Variants in ELL observed in about 807,000 individuals in gnomAD.
ELL encodes elongation factor for RNA polymerase II, also known as RNA polymerase II elongation factor ELL.
Under a neutral mutation model 64.0 loss-of-function variants are expected in ELL, and 18 were observed. That is an observed-to-expected ratio of 0.28 (90% CI 0.19 to 0.42). The LOEUF is 0.42. ELL is among the 10% of genes least tolerant of loss of function. The pLI is 1.00. For synonymous variants in ELL, 399 were observed against 376.2 expected, an observed-to-expected ratio of 1.06 and a Z score of -0.70; for missense variants, 797 against 870.4, an observed-to-expected ratio of 0.92 and a Z score of 1.06.
intron 2 of ELL, among the ~76,000 whole-genome samples, chr19:18,468,374 G>T (rs1048999069): frequency 1.3e-5 from 2 of 152,184 alleles, no homozygotes; most frequent in African/African-American, 2.4e-5. Context: ...CCACTGAGGT[G>T]TTTTTTCACC....
intron 2 of ELL, among the ~76,000 whole-genome samples, chr19:18,469,698 T>C (rs1282478475): frequency 6.6e-6 from 1 of 152,218 alleles, no homozygotes; most frequent in Non-Finnish European, 1.5e-5. Flanking sequence ...CAGGGGCTCA[T>C]CCTAGGCGCT....
chr19:18,446,470 C>G lies in ELL; in HGVS notation c.1543G>C (p.Ala515Pro). The part of the protein sequence containing the change: ...ETPDYLLKYA[A>P]ISSSEQRQSY... ...TGGCGCTGCTCCGAAGAGGAGATGG[C>G]TGCGTACTTCCTGAAACAGGAGAGA... Residue 515 changes from alanine to proline, a missense_variant, in exon 10 of 12, where the codon GCC becomes CCC. Transcript: ENST00000262809. The G allele has an allele frequency of 6.2e-7, 1 of 1,611,964 alleles. No individual in the cohort carries two copies. Among genetic ancestry groups the G allele is most frequent in the Non-Finnish European group, 8.5e-7 (1 of 1,179,762 alleles).
At chr19:18,515,830 T>A (rs1036660527) in intron 1 of ELL, among the ~76,000 whole-genome samples, 1 of 152,184 alleles carries the variant, frequency 6.6e-6, no homozygotes, top group Non-Finnish European at 1.5e-5. Flanking sequence ...AGAGGCAGTA[T>A]GGGCCAGTGA....
Position 18,446,379 on chromosome 19 carries a change from C to A in ELL, c.1634G>T (p.Arg545Leu). The A allele has an allele frequency of 6.2e-7, 1 of 1,610,250 alleles. No homozygotes were observed. ...GAGCTGGGTGAACCGCCGCGTGATG[C>A]GCTCAATGCGGGCGTGCAGGTCGCG... ...EYRDLHARIE[R>L]ITRRFTQLDA... Residue 545 changes from arginine (R) to leucine (L), a missense_variant, in exon 10 of 12, where the codon CGC becomes CTC. Physicochemically the swap from Arg to Leu is moderately radical, Grantham distance 102 (BLOSUM62 -2). Coordinates refer to ENST00000262809, the MANE Select transcript of ELL (RefSeq NM_006532.4).
chr19:18,483,360 G>A (rs1462252599), intron 1 of ELL, among the ~76,000 whole-genome samples: 1 of 152,212 alleles, frequency 6.6e-6, no homozygotes, highest in Non-Finnish European at 1.5e-5. Context: ...AAGGCGCTCA[G>A]CAGGTGAGCA....
Position 18,522,046 on chromosome 19 carries a change from G to C in ELL, c.10C>G (p.Leu4Val). The C allele has an allele frequency of 6.2e-7, 1 of 1,602,676 alleles. No homozygotes were observed. The highest frequency in any genetic ancestry group is 8.5e-7 in the Non-Finnish European group (1 of 1,173,570). Residue 4 changes from leucine to valine, a missense_variant, in exon 1 of 12, where the codon CTG becomes GTG. Physicochemically the swap from Leu to Val is conservative, Grantham distance 32. Transcript: ENST00000262809. MAALKEDRSYGLSC... is the reference protein window; with the variant it reads MAAVKEDRSYGLSC... ...AGCCCGTAGCTCCTATCCTCCTTCA[G>C]CGCCGCCATCTTGCGACCATCTCTC... is the stretch of plus-strand genomic sequence containing the variant.
intron 1 of ELL, among the ~76,000 whole-genome samples, chr19:18,509,408 C>T (rs1236166658): frequency 6.6e-6 from 1 of 152,082 alleles, no homozygotes; most frequent in African/African-American, 2.4e-5. Context: ...CACCCCAAGC[C>T]CTTTGGGTTC....
Position 18,501,104 on chromosome 19 carries a change from C to T in ELL, c.135+20817G>A, listed in dbSNP as rs149447296. Among the ~76,000 whole-genome samples the T allele has an allele frequency of 3.9e-5, 6 of 152,186 alleles. No homozygotes were observed. Among genetic ancestry groups the T allele is most frequent in the East Asian group, 3.9e-4 (2 of 5,172 alleles). On this transcript the variant is annotated intron_variant, in intron 1 of 11. Transcript: ENST00000262809. The surrounding 1 kb of genome is among the most constrained non-coding windows in gnomAD (Gnocchi z 4.5). ...TGTGGGCGCACACCCAGGAGAAGAA[C>T]GAGCGGGCCACGACACTGTTCTCGC...
chr19:18,461,626 G>A lies in ELL; in HGVS notation c.696C>T (p.Asp232=), dbSNP rs145475504. Residue 232 remains aspartate, a synonymous_variant, in exon 5 of 12, where the codon GAC becomes GAT. Coordinates refer to ENST00000262809, the MANE Select transcript of ELL (RefSeq NM_006532.4). ...CGTCCTTGTCCGCCTGCGTCAGGCCGTCCTTCTGCAGTCGCAGCAGCAGCT... is the reference window on the plus strand; with the variant it reads ...CGTCCTTGTCCGCCTGCGTCAGGCCATCCTTCTGCAGTCGCAGCAGCAGCT... ...KAELLLRLQK[D]GLTQADKDAL... The A allele has an allele frequency of 4.5e-5, 72 of 1,610,084 alleles. No individual in the cohort carries two copies. Among genetic ancestry groups the A allele is most frequent in the Middle Eastern group, 3.3e-4 (2 of 6,068 alleles).
chr19:18,472,886 TAAAAAAA>T lies in ELL; in HGVS notation c.136-11_136-5del, dbSNP rs748950436. 55 of 1,218,296 alleles carry T rather than the reference TAAAAAAA, an allele frequency of 4.5e-5. No individual in the cohort carries two copies. The highest frequency in any genetic ancestry group is 5.2e-5 in the Non-Finnish European group (50 of 965,312). The allele number at this position is 1,218,296 out of a possible 1,614,324, so 75.5% of individuals were successfully genotyped here. On this transcript the variant is annotated splice_region_variant and splice_polypyrimidine_tract_variant and intron_variant, in intron 1 of 11. Transcript: ENST00000262809. ...ATGGCCTCAGTGAAACAGAATCCTA[TAAAAAAA>T]AAAAAAAAAAAAAAAAGGTGAGGGG... is the stretch of plus-strand genomic sequence containing the variant.
At chr19:18,514,137 C>T (rs1383744364) in intron 1 of ELL, among the ~76,000 whole-genome samples, 1 of 151,922 alleles carries the variant, frequency 6.6e-6, no homozygotes, top group Non-Finnish European at 1.5e-5. Context: ...CAGATGGAGG[C>T]GGGAGGTCTC....
Position 18,444,650 on chromosome 19 carries a change from C to T in ELL, c.*102G>A. The T allele has an allele frequency of 7.6e-7, 1 of 1,314,492 alleles. No homozygotes were observed. The highest frequency in any genetic ancestry group is 1.0e-6 in the Non-Finnish European group (1 of 962,530). 81.4% of individuals were successfully genotyped at this position (1,314,492 alleles called of 1,614,324 possible). ...CTGCCCTGAAAGCCGGCGGTGCTGG[C>T]TCAGATGAGCATCTTCCTCGGGTTT... is the stretch of plus-strand genomic sequence containing the variant. On this transcript the variant is annotated 3_prime_UTR_variant, in exon 12 of 12. Coordinates refer to ENST00000262809, the MANE Select transcript of ELL (RefSeq NM_006532.4).
Position 18,450,683 on chromosome 19 carries a change from G to A in ELL, c.1259C>T (p.Ala420Val), listed in dbSNP as rs1197155757. 4 of 1,585,230 alleles carry A rather than the reference G, an allele frequency of 2.5e-6. No individual in the cohort carries two copies. The highest frequency in any genetic ancestry group is 1.1e-5 in the South Asian group (1 of 88,544). The change falls in exon 8 of 12, where the codon GCC (alanine) becomes GTC (valine). Residue 420 changes from alanine (A) to valine (V), a missense_variant. By Grantham distance (64) the Ala-to-Val change is moderately conservative. Coordinates refer to ENST00000262809, the MANE Select transcript of ELL (RefSeq NM_006532.4). ...DCEHGEAAAP[A>V]PTVRLGLPLL... ...GGGCAGGCCGAGGCGCACAGTGGGG[G>A]CTGGGGCAGCCGCCTCTCCGTGCTC...
intron 8 of ELL, 117 bp from the exon 9 acceptor site, chr19:18,446,931 G>C: frequency 1.8e-6 from 2 of 1,128,500 alleles, no homozygotes; most frequent in East Asian, 2.5e-5. Flanking sequence ...GGGACATAGA[G>C]GGATAGCAGA....
chr19:18,498,234 G>A (rs996872824), intron 1 of ELL, among the ~76,000 whole-genome samples: 1 of 152,116 alleles, frequency 6.6e-6, no homozygotes, highest in South Asian at 2.1e-4. Context: ...GCGGGGAGGC[G>A]GGGAGAAGTA....
In ELL at chr19:18,458,248, A is replaced by G; in HGVS notation, c.826T>C (p.Tyr276His). The G allele has an allele frequency of 1.2e-6, 2 of 1,612,692 alleles. No homozygotes were observed. The highest frequency in any genetic ancestry group is 1.7e-6 in the Non-Finnish European group (2 of 1,180,022). Residue 276 changes from tyrosine to histidine, a missense_variant, in exon 6 of 12, where the codon TAC (tyrosine) becomes CAC (histidine). Coordinates refer to ENST00000262809, the MANE Select transcript of ELL (RefSeq NM_006532.4). ...AGCAGCTGCTGGTCCCCCTCCGAGT[A>G]GCCAGGCCAGTCCTTCTGCACATCC... ...YKDVQKDWPG[Y>H]SEGDQQLLKR...
chr19:18,444,975 A>T, intron 11 of ELL, 107 bp from the exon 12 acceptor site: 1 of 1,288,742 alleles, frequency 7.8e-7, no homozygotes, highest in Non-Finnish European at 1.1e-6. Context: ...CTTGGTGCCC[A>T]GCAAGGAGGG....
At chr19:18,462,304 G>A (rs1418612074) in intron 4 of ELL, among the ~76,000 whole-genome samples, 2 of 140,172 alleles carry the variant, frequency 1.4e-5, no homozygotes, top group Non-Finnish European at 3.0e-5. Context: ...GTGTGTGTGC[G>A]TGTATGAAAT....
Position 18,472,886 on chromosome 19 carries a change from T to TAAAAAAAAAAAAAAAAA in ELL, c.136-21_136-5dup. The TAAAAAAAAAAAAAAAAA allele has an allele frequency of 1.6e-6, 2 of 1,213,068 alleles. No homozygotes were observed. The highest frequency in any genetic ancestry group is 3.1e-5 in the East Asian group (1 of 32,186). The allele number at this position is 1,213,068 out of a possible 1,614,324, so 75.1% of individuals were successfully genotyped here. A position where few individuals can be genotyped will look rare whatever the true frequency, so the allele number is the denominator to read the frequency against. The stretch of plus-strand genomic sequence containing the variant: ...ATGGCCTCAGTGAAACAGAATCCTA[T>TAAAAAAAAAAAAAAAAA]AAAAAAAAAAAAAAAAAAAAAAAGG... On this transcript the variant is annotated splice_region_variant and splice_polypyrimidine_tract_variant and intron_variant, in intron 1 of 11. Transcript: ENST00000262809.
Sources: gnomAD v4.1 joint callset for allele counts (sites outside exome capture counted in the v4.1 genomes callset) on GRCh38, gnomAD v4.1.1 for gene constraint, Gnocchi (gnomAD v3.1) non-coding constraint, MANE v1.5 for transcripts, NCBI Gene and HGNC (gene_info 2026-07-23, HGNC 2026-07-21) for gene names.